Variants in VWC2L observed in about 807,000 individuals in gnomAD.
The protein encoded by VWC2L is von Willebrand factor C domain-containing protein 2-like.
In VWC2L, 10 loss-of-function variants were observed where a neutral mutation model predicts 21.6. That is an observed-to-expected ratio of 0.46 (90% confidence interval 0.29 to 0.78). The LOEUF is 0.78. Ranked by LOEUF, VWC2L falls within the 30% of genes least tolerant of loss-of-function variation. The probability of loss-of-function intolerance (pLI) is 0.10; values close to 1 mark genes in which losing one functional copy is unlikely to be tolerated. For missense variants in VWC2L, 209 were observed against 277.1 expected, an observed-to-expected ratio of 0.75 and a Z score of 1.74; for synonymous variants, 96 against 94.3, an observed-to-expected ratio of 1.02 and a Z score of -0.10.
intron 2 of VWC2L, among the ~76,000 whole-genome samples, chr2:214,430,468 T>C (rs1702583585): frequency 6.6e-6 from 1 of 152,192 alleles, no homozygotes; most frequent in Admixed American, 6.5e-5. Flanking sequence ...AGGAGAGATA[T>C]ATAGTTCATC....
At chr2:214,424,485 C>G (rs1284167838) in intron 2 of VWC2L, among the ~76,000 whole-genome samples, 1 of 152,144 alleles carries the variant, frequency 6.6e-6, no homozygotes, top group Non-Finnish European at 1.5e-5. Context: ...GACCTAGGCA[C>G]ACATTACTTC....
At chr2:214,527,445 A>G (rs190782541) in intron 3 of VWC2L, among the ~76,000 whole-genome samples, 7 of 152,294 alleles carry the variant, frequency 4.6e-5, no homozygotes, top group African/African-American at 1.4e-4. Context: ...ATTACTTTCC[A>G]TTGTGCTTAG....
chr2:214,559,543 C>T (rs1183082441), intron 3 of VWC2L, among the ~76,000 whole-genome samples: 1 of 152,062 alleles, frequency 6.6e-6, no homozygotes, highest in Non-Finnish European at 1.5e-5. Context: ...TGGACTTCTA[C>T]ACTAGATTAA....
chr2:214,539,221 T>G (rs902295906), intron 3 of VWC2L, among the ~76,000 whole-genome samples: 1 of 152,084 alleles, frequency 6.6e-6, no homozygotes, highest in Non-Finnish European at 1.5e-5. Flanking sequence ...GTAAATCAAC[T>G]CAGAGGAGCA....
At chr2:214,575,285 C>CT (rs1167562099) in intron 3 of VWC2L, among the ~76,000 whole-genome samples, 1 of 152,166 alleles carries the variant, frequency 6.6e-6, no homozygotes, top group African/African-American at 2.4e-5. Flanking sequence ...GTGCCACCAT[C>CT]TGAGGCCGAC....
chr2:214,432,123 A>G (rs1702609705), intron 2 of VWC2L, among the ~76,000 whole-genome samples: 1 of 152,242 alleles, frequency 6.6e-6, no homozygotes, highest in Non-Finnish European at 1.5e-5. Context: ...ACGCATAATG[A>G]ACACAGATGA....
intron 3 of VWC2L, among the ~76,000 whole-genome samples, chr2:214,484,306 A>G (rs1402467875): frequency 2.0e-5 from 3 of 152,188 alleles, no homozygotes; most frequent in Non-Finnish European, 4.4e-5. Context: ...GCTAGGAAGA[A>G]AATCAACTAG....
intron 3 of VWC2L, among the ~76,000 whole-genome samples, chr2:214,441,577 C>G (rs959826715): frequency 3.2e-4 from 49 of 152,066 alleles, no homozygotes; most frequent in African/African-American, 1.0e-3. Context: ...AAGACACTTT[C>G]TTTCAAAATG....
chr2:214,553,877 A>G (rs1366479340), intron 3 of VWC2L, among the ~76,000 whole-genome samples: 1 of 152,142 alleles, frequency 6.6e-6, no homozygotes, highest in African/African-American at 2.4e-5. Flanking sequence ...AACATGATAC[A>G]AAAAATCTGC....
intron 3 of VWC2L, among the ~76,000 whole-genome samples, chr2:214,502,602 GCA>G (rs1162789368): frequency 3.9e-5 from 6 of 152,106 alleles, no homozygotes; most frequent in African/African-American, 4.8e-5. Context: ...TAACTATTGA[GCA>G]CAGTTTGCTG....
At chr2:214,570,215 T>A (rs140157038) in intron 3 of VWC2L, among the ~76,000 whole-genome samples, 1 of 152,326 alleles carries the variant, frequency 6.6e-6, no homozygotes, top group African/African-American at 2.4e-5. Context: ...CACAGCCACC[T>A]CACCAGAGCA....
At chr2:214,500,706 C>T (rs1300444433) in intron 3 of VWC2L, among the ~76,000 whole-genome samples, 1 of 152,156 alleles carries the variant, frequency 6.6e-6, no homozygotes, top group Non-Finnish European at 1.5e-5. Flanking sequence ...ACATTGCTTT[C>T]CTTAACAAGA....
At chr2:214,503,612 A>G (rs1377207455) in intron 3 of VWC2L, among the ~76,000 whole-genome samples, 1 of 152,104 alleles carries the variant, frequency 6.6e-6, no homozygotes, top group Non-Finnish European at 1.5e-5. Context: ...CTACAAAAGC[A>G]GTGATTGTTG....
chr2:214,467,572 A>G (rs1452050843), intron 3 of VWC2L, among the ~76,000 whole-genome samples: 1 of 151,966 alleles, frequency 6.6e-6, no homozygotes, highest in African/African-American at 2.4e-5. Flanking sequence ...TCATTGTTTT[A>G]TATATATTGA....
chr2:214,461,418 C>T (rs1019525904), intron 3 of VWC2L, among the ~76,000 whole-genome samples: 3 of 152,146 alleles, frequency 2.0e-5, no homozygotes, highest in African/African-American at 7.2e-5. Flanking sequence ...CTGGGTAGGC[C>T]AGTCCTCAGG....
At chr2:214,575,536 T>A (rs1690216237) in intron 3 of VWC2L, 136 bp from the exon 4 acceptor site, 1 of 897,984 alleles carries the variant, frequency 1.1e-6, no homozygotes, top group Non-Finnish European at 1.7e-6. Context: ...AGGAGATGGC[T>A]AGAAAATTCC....
At position 214,454,013 on chromosome 2, in the gene VWC2L, G is replaced by A. The variant is rs144606197; in HGVS notation, c.520+17255G>A. Among the ~76,000 whole-genome samples the A allele has an allele frequency of 3.7e-4, 57 of 152,152 alleles. 2 individuals are homozygous for A. In the East Asian group the frequency reaches 0.01, roughly 27 times the overall value. The stretch of plus-strand genomic sequence containing the variant: ...TAGAATTACAGGAGTGAGCCACCGC[G>A]CCCAGCCTTTTAAATACTCTTGTAG... On this transcript the variant is annotated intron_variant, in intron 3 of 3. Coordinates refer to ENST00000312504, the MANE Select transcript of VWC2L (RefSeq NM_001080500.4).
intron 3 of VWC2L, among the ~76,000 whole-genome samples, chr2:214,566,211 C>A (rs1690060098): frequency 6.6e-6 from 1 of 152,128 alleles, no homozygotes; most frequent in South Asian, 2.1e-4. Context: ...CATTTTCTGA[C>A]CACAAACATC....
At chr2:214,510,688 A>G (rs1354969529) in intron 3 of VWC2L, among the ~76,000 whole-genome samples, 4 of 152,188 alleles carry the variant, frequency 2.6e-5, no homozygotes, top group African/African-American at 9.6e-5. Context: ...GTCAGCCAGA[A>G]TCTCATTTTT....
Sources: gnomAD v4.1 joint callset for allele counts (sites outside exome capture counted in the v4.1 genomes callset) on GRCh38, gnomAD v4.1.1 for gene constraint, MANE v1.5 for transcripts, NCBI Gene and HGNC (gene_info 2026-07-23, HGNC 2026-07-21) for gene names.